The following PALM variants were observed in gnomAD, a reference collection of about 807,000 sequenced individuals.
PALM encodes paralemmin-1.
Under a neutral mutation model 30.7 loss-of-function variants are expected in PALM, and 18 were observed. The observed-to-expected ratio is 0.59, with a 90% CI of 0.41 to 0.87. The LOEUF (loss-of-function observed/expected upper bound fraction) is 0.87, where lower values mean the gene tolerates loss of function less well. PALM is among the 40% of genes least tolerant of loss of function. PALM has a pLI of 0.00. For synonymous variants in PALM, 286 were observed against 242.8 expected, an observed-to-expected ratio of 1.18 and a Z score of -1.66; for missense variants, 529 against 555.4, an observed-to-expected ratio of 0.95 and a Z score of 0.48.
At chr19:744,339 G>A (rs1438865171) in intron 8 of PALM, among the ~76,000 whole-genome samples, 1 of 150,396 alleles carries the variant, frequency 6.6e-6, no homozygotes, top group African/African-American at 2.4e-5. Flanking sequence ...AGCAGAGCTT[G>A]CAGTGAGCCG....
chr19:730,606 C>T lies in PALM; in HGVS notation c.270-489C>T, dbSNP rs184169663. 1.0e-3 allele frequency among the ~76,000 whole-genome samples: 153 copies of T among 152,332 alleles called. 3 individuals carry two copies. The highest frequency in any genetic ancestry group is 8.8e-5 in the Non-Finnish European group (6 of 68,038). On this transcript the variant is annotated intron_variant, in intron 4 of 8. Transcript: ENST00000338448. Reference sequence around the variant, plus strand: ...GAGTCAGCCCTGGTTTGGATCCCGCCTCTGCTACCTGCTGGCCATGTGGCT... The same window carrying T: ...GAGTCAGCCCTGGTTTGGATCCCGCTTCTGCTACCTGCTGGCCATGTGGCT...
At chr19:711,867 G>C (rs546244977) in intron 1 of PALM, among the ~76,000 whole-genome samples, 1 of 152,090 alleles carries the variant, frequency 6.6e-6, no homozygotes, top group Admixed American at 6.6e-5. Flanking sequence ...CGACTTCCCT[G>C]CCTCAGCCTC....
At position 747,039 on chromosome 19, in the gene PALM, G is replaced by T; in HGVS notation, c.*225G>T. 3.6e-6 allele frequency: 2 copies of T among 558,154 alleles called. No homozygotes were observed. Among genetic ancestry groups the T allele is most frequent in the East Asian group, 6.0e-5 (2 of 33,146 alleles). 34.6% of individuals were successfully genotyped at this position (558,154 alleles called of 1,614,324 possible). On this transcript the variant is annotated 3_prime_UTR_variant, in exon 9 of 9. Coordinates refer to ENST00000338448, the MANE Select transcript of PALM (RefSeq NM_002579.3). ...AACCAGAGCCGTGCACTTGTGCCTGGTAGGAGAGAGACAGGACAGACCCGC... is the reference window on the plus strand; with the variant it reads ...AACCAGAGCCGTGCACTTGTGCCTGTTAGGAGAGAGACAGGACAGACCCGC...
rs550931969 is a variant in PALM at position 748,179 on chromosome 19, CT to C, written c.*1366del. Reference sequence around the variant, plus strand: ...ACCTGGGCGTCAGCCGTGGAACCCCCTCCTCCTCCCTGGAGTCTGCCTGAGT... The same window carrying C: ...ACCTGGGCGTCAGCCGTGGAACCCCCCCTCCTCCCTGGAGTCTGCCTGAGT... On this transcript the variant is annotated 3_prime_UTR_variant, in exon 9 of 9. Transcript: ENST00000338448. 636 of 152,626 alleles carry C rather than the reference CT, an allele frequency of 4.2e-3. 2 individuals are homozygous for C. The highest frequency in any genetic ancestry group is 5.5e-3 in the Non-Finnish European group (375 of 68,104). The allele number at this position is 152,626 out of a possible 1,614,324, so 9.5% of individuals were successfully genotyped here.
In PALM at chr19:719,558, A is replaced by T. The variant is rs2032387369; in HGVS notation, c.6-6580A>T. On this transcript the variant is annotated intron_variant, in intron 1 of 8. Transcript: ENST00000338448. ...TCGGAGACCCAGCACCTGCCCCGGG[A>T]CCCCCAGCACCTGCCCTGGGACCCC... 5.1e-6 allele frequency: 5 copies of T among 985,068 alleles called. No individual in the cohort carries two copies. In the South Asian group the frequency reaches 1.4e-4, roughly 28 times the overall value. 61.0% of individuals were successfully genotyped at this position (985,068 alleles called of 1,614,324 possible). A position where few individuals can be genotyped will look rare whatever the true frequency, so the allele number is the denominator to read the frequency against.
chr19:740,298 G>A (rs891369616), intron 7 of PALM, 54 bp from the exon 8 acceptor site: 61 of 1,478,582 alleles, frequency 4.1e-5, no homozygotes, highest in South Asian at 7.8e-5. Context: ...GCAGCCCGGC[G>A]GGGGGGTGCG....
chr19:736,146 G>A, intron 7 of PALM, 68 bp downstream of exon 7: 2 of 1,159,172 alleles, frequency 1.7e-6, no homozygotes, highest in Admixed American at 1.9e-5. Flanking sequence ...CGGTCCGGGG[G>A]GCCGGGTGGG....
chr19:715,116 T>G (rs1370090891), intron 1 of PALM, among the ~76,000 whole-genome samples: 1 of 152,116 alleles, frequency 6.6e-6, no homozygotes, highest in African/African-American at 2.4e-5. Context: ...ATACAAAAAT[T>G]AGCCGGGCGG....
chr19:744,737 T>C (rs978601711), intron 8 of PALM, among the ~76,000 whole-genome samples: 34 of 149,838 alleles, frequency 2.3e-4, no homozygotes, highest in African/African-American at 8.1e-4. Context: ...CTACTAAAAA[T>C]ACAAAAATCA....
At chr19:712,432 G>A (rs2032109824) in intron 1 of PALM, among the ~76,000 whole-genome samples, 2 of 151,668 alleles carry the variant, frequency 1.3e-5, no homozygotes, top group African/African-American at 4.8e-5. Context: ...CATCACCCAG[G>A]CAGTGCAGTG....
At chr19:719,583 C>T in intron 1 of PALM, 2 of 986,696 alleles carry the variant, frequency 2.0e-6, no homozygotes, top group Non-Finnish European at 2.4e-6. Flanking sequence ...CCTGGGACCC[C>T]CAGCAGCACC....
chr19:741,547 T>G (rs2033196940), intron 8 of PALM, among the ~76,000 whole-genome samples: 48 of 136,832 alleles, frequency 3.5e-4, no homozygotes, highest in South Asian at 7.4e-4. Flanking sequence ...GCTGCAGGGG[T>G]GAGGGGAGAC....
At chr19:744,378 C>G (rs917703036) in intron 8 of PALM, among the ~76,000 whole-genome samples, 1 of 137,682 alleles carries the variant, frequency 7.3e-6, no homozygotes, top group Non-Finnish European at 1.5e-5. Context: ...CCAGCCTGGG[C>G]GACAGAGCGA....
Position 726,180 on chromosome 19 carries a change from G to A in PALM, c.48G>A (p.Gln16=), listed in dbSNP as rs1568224628. The A allele has an allele frequency of 3.1e-6, 5 of 1,613,188 alleles. No homozygotes were observed. Among genetic ancestry groups the A allele is most frequent in the Middle Eastern group, 1.7e-4 (1 of 6,042 alleles). Residue 16 remains glutamine (Q), a synonymous_variant, in exon 2 of 9, where the codon CAG becomes CAA. Transcript: ENST00000338448. ...CCACGTCCCAGCAGGAGCGGCTGCAGGCCATCGCAGTGAGTTTCCGCCGCC... is the reference window on the plus strand; with the variant it reads ...CCACGTCCCAGCAGGAGCGGCTGCAAGCCATCGCAGTGAGTTTCCGCCGCC... ...AETTSQQERL[Q]AIAEKRKRQA... is the part of the protein sequence containing the mutation.
chr19:733,785 G>A (rs2032941429), intron 5 of PALM, among the ~76,000 whole-genome samples: 1 of 152,118 alleles, frequency 6.6e-6, no homozygotes, highest in African/African-American at 2.4e-5. Flanking sequence ...TCAGGGGATC[G>A]AAACCAGCCT....
intron 1 of PALM, among the ~76,000 whole-genome samples, chr19:725,273 A>T (rs2032621840): frequency 6.7e-6 from 1 of 148,260 alleles, no homozygotes; most frequent in Non-Finnish European, 1.5e-5. Flanking sequence ...AAAGACAATG[A>T]TTGGGCCGGG....
chr19:731,213 C>A lies in PALM; in HGVS notation c.388C>A (p.Arg130Ser), dbSNP rs746327383. ...APAPSPAKEE[R>S]KTEVVMNSQQ... The stretch of plus-strand genomic sequence containing the variant: ...AGCCCCGAGTCCAGCCAAGGAGGAG[C>A]GCAAGACAGAGGTGGTGATGAATTC... The change falls in exon 5 of 9, where the codon CGC becomes AGC. Residue 130 changes from arginine to serine, a missense_variant. Physicochemically the swap from Arg to Ser is moderately radical, Grantham distance 110. Transcript: ENST00000338448. 1 of 1,611,222 alleles carries A rather than the reference C, an allele frequency of 6.2e-7. No homozygotes were observed. The highest frequency in any genetic ancestry group is 1.1e-5 in the South Asian group (1 of 90,672).
intron 2 of PALM, 138 bp downstream of exon 2, chr19:726,327 T>G: frequency 1.5e-6 from 1 of 685,132 alleles, no homozygotes; most frequent in East Asian, 2.8e-5. Flanking sequence ...GAAACTTGGA[T>G]CCTGCTGACC....
chr19:710,180 C>T (rs1475584563), intron 1 of PALM, among the ~76,000 whole-genome samples: 1 of 152,186 alleles, frequency 6.6e-6, no homozygotes, highest in African/African-American at 2.4e-5. Context: ...CTGCCCTTCC[C>T]ACTGGGCGTG....
Sources: gnomAD v4.1 joint callset for allele counts (sites outside exome capture counted in the v4.1 genomes callset) on GRCh38, gnomAD v4.1.1 for gene constraint, MANE v1.5 for transcripts, NCBI Gene and HGNC (gene_info 2026-07-23, HGNC 2026-07-21) for gene names.